Variants in ARB2A observed in about 807,000 individuals in gnomAD.
ARB2A encodes the protein ARB2 cotranscriptional regulator A.
the ARB2A span, among the ~76,000 whole-genome samples, chr5:93,830,311 G>GTGTA: frequency 3.6e-5 from 3 of 82,256 alleles, no homozygotes; most frequent in African/African-American, 1.6e-4. Context: ...GTGTGTGTGT[G>GTGTA]TATATATATA....
At chr5:94,091,625 C>T in the ARB2A span, among the ~76,000 whole-genome samples, 13 of 152,256 alleles carry the variant, frequency 8.5e-5, no homozygotes, top group East Asian at 1.9e-3. Flanking sequence ...AAGGGAGTTC[C>T]GACTTGCCAC....
At chr5:94,083,508 G>A in the ARB2A span, among the ~76,000 whole-genome samples, 1 of 151,904 alleles carries the variant, frequency 6.6e-6, no homozygotes, top group Non-Finnish European at 1.5e-5. Context: ...AGGAATCAAA[G>A]GAAACGTCTG....
At chr5:93,618,063 C>A in the ARB2A span, 6 of 151,898 alleles carry the variant, frequency 4.0e-5, no homozygotes, top group Admixed American at 6.6e-5. Context: ...AATAATAACA[C>A]CGCTGTTGTT....
chr5:93,831,141 C>A, the ARB2A span, among the ~76,000 whole-genome samples: 1 of 151,960 alleles, frequency 6.6e-6, no homozygotes, highest in South Asian at 2.1e-4. Flanking sequence ...GGCTTGCTTG[C>A]CTGCTGCTCA....
the ARB2A span, among the ~76,000 whole-genome samples, chr5:93,976,975 C>T: frequency 6.6e-6 from 1 of 150,898 alleles, no homozygotes; most frequent in African/African-American, 2.4e-5. Context: ...AAGCTGAGAA[C>T]CAAATTAAGA....
the ARB2A span, chr5:94,111,657 G>A: frequency 6.6e-6 from 1 of 152,280 alleles, no homozygotes; most frequent in African/African-American, 2.4e-5. Context: ...GCACTTCCGG[G>A]GTCTTCAGGA....
the ARB2A span, among the ~76,000 whole-genome samples, chr5:93,657,455 G>A: frequency 6.6e-6 from 1 of 152,100 alleles, no homozygotes; most frequent in Non-Finnish European, 1.5e-5. Flanking sequence ...TAGAAAAATG[G>A]TTATGATAAT....
chr5:93,894,665 CTT>C, the ARB2A span, among the ~76,000 whole-genome samples: 1 of 152,088 alleles, frequency 6.6e-6, no homozygotes, highest in South Asian at 2.1e-4. Context: ...TCTTTACTGA[CTT>C]TGGTTTCTCA....
the ARB2A span, among the ~76,000 whole-genome samples, chr5:94,105,971 C>T: frequency 2.6e-5 from 4 of 152,052 alleles, no homozygotes; most frequent in East Asian, 5.8e-4. Context: ...TTACCATACA[C>T]AAAAATCCAT....
chr5:93,970,804 G>A, the ARB2A span, among the ~76,000 whole-genome samples: 1 of 152,130 alleles, frequency 6.6e-6, no homozygotes, highest in East Asian at 1.9e-4. Flanking sequence ...GTTGAAAATA[G>A]TTTACTTTTA....
At chr5:93,661,590 C>A in the ARB2A span, among the ~76,000 whole-genome samples, 1 of 151,754 alleles carries the variant, frequency 6.6e-6, no homozygotes, top group Non-Finnish European at 1.5e-5. Context: ...CTGTGCCACA[C>A]TGGAAGAAGA....
chr5:93,875,404 G>A, the ARB2A span, among the ~76,000 whole-genome samples: 1 of 151,966 alleles, frequency 6.6e-6, no homozygotes, highest in Admixed American at 6.6e-5. Flanking sequence ...GCTAATTTTT[G>A]TATTTTTAGT....
At chr5:93,894,491 T>C in the ARB2A span, among the ~76,000 whole-genome samples, 43 of 152,214 alleles carry the variant, frequency 2.8e-4, no homozygotes, top group Middle Eastern at 3.4e-3. Context: ...CTGTACACAG[T>C]GAAATGCCTG....
At chr5:93,871,268 T>C in the ARB2A span, among the ~76,000 whole-genome samples, 1 of 152,204 alleles carries the variant, frequency 6.6e-6, no homozygotes, top group Non-Finnish European at 1.5e-5. Flanking sequence ...TGTGTCAACA[T>C]TTACAAGATT....
chr5:93,904,467 G>C, the ARB2A span, among the ~76,000 whole-genome samples: 1 of 151,770 alleles, frequency 6.6e-6, no homozygotes, highest in South Asian at 2.1e-4. Flanking sequence ...CATAGCTAGA[G>C]TTAAGAAACA....
chr5:93,781,139 T>C, the ARB2A span, among the ~76,000 whole-genome samples: 183 of 152,300 alleles, frequency 1.2e-3, no homozygotes, highest in African/African-American at 4.2e-3. Context: ...TCGTACTCAA[T>C]AGGTAAGTTC....
the ARB2A span, among the ~76,000 whole-genome samples, chr5:93,629,016 C>T: frequency 6.6e-6 from 1 of 152,208 alleles, no homozygotes; most frequent in Non-Finnish European, 1.5e-5. Context: ...GCTTTTGACA[C>T]GCCTTCCTCA....
At chr5:94,065,820 T>TCTAGGCA in the ARB2A span, among the ~76,000 whole-genome samples, 27 of 152,290 alleles carry the variant, frequency 1.8e-4, no homozygotes, top group African/African-American at 4.8e-4. Flanking sequence ...AGACAGATCA[T>TCTAGGCA]CTAGGCAGAA....
chr5:93,904,220 A>T, the ARB2A span, among the ~76,000 whole-genome samples: 3 of 151,902 alleles, frequency 2.0e-5, no homozygotes. Flanking sequence ...CGCATAATGC[A>T]CTATGCAAGT....
Sources: gnomAD v4.1 joint callset for allele counts (sites outside exome capture counted in the v4.1 genomes callset) on GRCh38, gnomAD v4.1.1 for gene constraint, MANE v1.5 for transcripts, NCBI Gene and HGNC (gene_info 2026-07-23, HGNC 2026-07-21) for gene names.